The following CACNA2D1 variants were observed in gnomAD, a reference collection of about 807,000 sequenced individuals.
CACNA2D1 encodes the protein calcium voltage-gated channel auxiliary subunit alpha2delta 1, also known as voltage-dependent calcium channel subunit alpha-2/delta-1.
A neutral mutation model predicts 171.5 loss-of-function variants in CACNA2D1; 53 were observed. That is an observed-to-expected ratio of 0.31 (90% confidence interval 0.25 to 0.39). The LOEUF (loss-of-function observed/expected upper bound fraction) is 0.39. Among genes scored for constraint, CACNA2D1 ranks in the 10% least tolerant of loss-of-function variants. The pLI, the probability that CACNA2D1 is intolerant of heterozygous loss-of-function variation, is 1.00. For missense variants in CACNA2D1, 903 were observed against 1,299.8 expected (o/e 0.69, Z 4.69); for synonymous variants, 442 against 443.1 (o/e 1.00, Z 0.03).
At chr7:81,957,038 CTAAAAAGTTATTTAAGTCAGATTTATTT>C (rs1262378345) in intron 38 of CACNA2D1, among the ~76,000 whole-genome samples, 1 of 151,816 alleles carries the variant, frequency 6.6e-6, no homozygotes, top group African/African-American at 2.4e-5. Flanking sequence ...AGTAAAAAAT[CTAAAAAGTTATTTAAGTCAGATTTATTT>C]TAAAAAGTAG....
intron 6 of CACNA2D1, among the ~76,000 whole-genome samples, chr7:82,098,493 A>G (rs1489793954): frequency 6.6e-6 from 1 of 152,174 alleles, no homozygotes; most frequent in Non-Finnish European, 1.5e-5. Flanking sequence ...GAACGCCTGC[A>G]TATCTTACAT....
intron 5 of CACNA2D1, among the ~76,000 whole-genome samples, chr7:82,133,924 T>C (rs949365434): frequency 6.6e-6 from 1 of 151,780 alleles, no homozygotes; most frequent in Admixed American, 6.6e-5. Context: ...ATACAAAAAA[T>C]TAGCTGGGCA....
At chr7:82,186,983 T>C (rs1797852063) in intron 3 of CACNA2D1, among the ~76,000 whole-genome samples, 1 of 152,220 alleles carries the variant, frequency 6.6e-6, no homozygotes, top group African/African-American at 2.4e-5. Context: ...GACTCATTAG[T>C]ATTCAGTGAC....
At chr7:82,212,051 C>T (rs919528663) in intron 3 of CACNA2D1, among the ~76,000 whole-genome samples, 2 of 151,910 alleles carry the variant, frequency 1.3e-5, no homozygotes, top group Non-Finnish European at 2.9e-5. Flanking sequence ...CTGTTCATGC[C>T]CTTTGCCCAT....
intron 1 of CACNA2D1, among the ~76,000 whole-genome samples, chr7:82,433,311 A>T (rs1054756189): frequency 6.6e-6 from 1 of 152,214 alleles, no homozygotes; most frequent in Non-Finnish European, 1.5e-5. Flanking sequence ...TGCTGTGTCC[A>T]AAGGTAATAT....
intron 22 of CACNA2D1, 113 bp from the exon 23 acceptor site, chr7:81,983,447 G>A (rs1796641672): frequency 1.2e-6 from 1 of 817,154 alleles, no homozygotes; most frequent in Admixed American, 2.1e-5. Context: ...AAAATATTGT[G>A]CATAGATCAA....
chr7:82,348,069 G>A (rs1819442897), intron 2 of CACNA2D1, among the ~76,000 whole-genome samples: 1 of 152,144 alleles, frequency 6.6e-6, no homozygotes. Context: ...ATGCTCCCAA[G>A]AGCAGCTTAT....
At chr7:82,037,207 G>A (rs188228743) in intron 11 of CACNA2D1, among the ~76,000 whole-genome samples, 4 of 152,306 alleles carry the variant, frequency 2.6e-5, no homozygotes, top group Admixed American at 1.3e-4. Flanking sequence ...GGCTGGAAGC[G>A]GTAGCTCATG....
chr7:81,950,739 A>T (rs1792425026), intron 38 of CACNA2D1, among the ~76,000 whole-genome samples: 1 of 152,050 alleles, frequency 6.6e-6, no homozygotes, highest in South Asian at 2.1e-4. Flanking sequence ...GTAGCTTTTG[A>T]TGATTATGAA....
chr7:82,366,700 T>G (rs1471198649), intron 1 of CACNA2D1, among the ~76,000 whole-genome samples: 2 of 152,110 alleles, frequency 1.3e-5, no homozygotes, highest in Non-Finnish European at 2.9e-5. Context: ...ATTTGTCTCT[T>G]TGGCAGAATG....
At chr7:82,098,211 C>G (rs992664274) in intron 6 of CACNA2D1, among the ~76,000 whole-genome samples, 1 of 152,122 alleles carries the variant, frequency 6.6e-6, no homozygotes, top group African/African-American at 2.4e-5. Context: ...AGACCCAACT[C>G]TCACAAACAA....
chr7:82,031,555 G>C (rs1247893139), intron 12 of CACNA2D1, among the ~76,000 whole-genome samples: 2 of 151,828 alleles, frequency 1.3e-5, no homozygotes, highest in East Asian at 1.9e-4. Flanking sequence ...ACATTAAACT[G>C]TATGACACTG....
rs59408825 is a variant in CACNA2D1, at chr7:82,428,394, C to A, written c.95+14971G>T. Among the ~76,000 whole-genome samples, 520 of 152,258 alleles carry A rather than the reference C, an allele frequency of 3.4e-3. 1 individual carries two copies. Among genetic ancestry groups the A allele is most frequent in the African/African-American group, 0.012 (499 of 41,554 alleles). ...TTAAACATAACCTCAGGACGATAAG[C>A]AAGGAACCATCTGTTGCATTTTATT... On this transcript the variant is annotated intron_variant, in intron 1 of 38. Coordinates refer to ENST00000356860, the MANE Select transcript of CACNA2D1 (RefSeq NM_000722.4).
intron 38 of CACNA2D1, among the ~76,000 whole-genome samples, chr7:81,955,964 ATATATATATATATATATTT>A (rs1793243853): frequency 1.4e-5 from 1 of 72,898 alleles, no homozygotes; most frequent in African/African-American, 5.6e-5. Context: ...CTGTTGCTAT[ATATATATATATATATATTT>A]TTTTTTTTTT....
intron 1 of CACNA2D1, among the ~76,000 whole-genome samples, chr7:82,438,829 T>C (rs1830289759): frequency 6.6e-6 from 1 of 152,200 alleles, no homozygotes; most frequent in South Asian, 2.1e-4. Context: ...TTTGAAACAC[T>C]ACCACAGACA....
chr7:82,407,429 GTTAT>G (rs1276978736), intron 1 of CACNA2D1, among the ~76,000 whole-genome samples: 3 of 152,068 alleles, frequency 2.0e-5, no homozygotes, highest in African/African-American at 7.2e-5. Context: ...GACTACTACT[GTTAT>G]TTATTAATTG....
intron 4 of CACNA2D1, among the ~76,000 whole-genome samples, chr7:82,151,860 G>C (rs1450641095): frequency 6.6e-6 from 1 of 152,016 alleles, no homozygotes; most frequent in Admixed American, 6.6e-5. Flanking sequence ...TTAATATCCA[G>C]GTGAGAAGAA....
chr7:82,071,956 G>A (rs550518950), intron 7 of CACNA2D1, among the ~76,000 whole-genome samples: 6 of 152,264 alleles, frequency 3.9e-5, no homozygotes, highest in African/African-American at 1.4e-4. Context: ...AACAACCTAA[G>A]GAATGGCAGA....
chr7:82,388,448 G>C (rs891767250), intron 1 of CACNA2D1, among the ~76,000 whole-genome samples: 2 of 152,098 alleles, frequency 1.3e-5, no homozygotes, highest in Non-Finnish European at 2.9e-5. Flanking sequence ...TTGATTTTTC[G>C]TTTTTCACAT....
Sources: gnomAD v4.1 joint callset for allele counts (sites outside exome capture counted in the v4.1 genomes callset) on GRCh38, gnomAD v4.1.1 for gene constraint, MANE v1.5 for transcripts, NCBI Gene and HGNC (gene_info 2026-07-23, HGNC 2026-07-21) for gene names.